ENPP1: variants seen among roughly 807,000 people sequenced by gnomAD.
ENPP1 encodes ectonucleotide pyrophosphatase/phosphodiesterase family member 1.
A neutral mutation model predicts 122.8 loss-of-function variants in ENPP1; 73 were observed. The ratio of observed to expected loss-of-function variants is 0.59; its 90% CI spans 0.49 to 0.72. ENPP1 has a LOEUF of 0.72. Ranked by LOEUF, ENPP1 falls within the 30% of genes least tolerant of loss-of-function variation. ENPP1 has a pLI of 0.00. For synonymous variants in ENPP1, 367 were observed against 391.6 expected (o/e 0.94, Z 0.74); for missense variants, 978 against 1,128.1 (o/e 0.87, Z 1.91).
intron 5 of ENPP1, among the ~76,000 whole-genome samples, chr6:131,852,482 G>A (rs149633484): frequency 2.0e-5 from 3 of 152,080 alleles, no homozygotes; most frequent in Non-Finnish European, 4.4e-5. Context: ...GCTCCAGTGA[G>A]CATTTCCTTT....
intron 14 of ENPP1, among the ~76,000 whole-genome samples, chr6:131,872,617 C>A (rs1344195314): frequency 6.6e-6 from 1 of 151,986 alleles, no homozygotes; most frequent in Non-Finnish European, 1.5e-5. Flanking sequence ...ACACTGAGTT[C>A]TGGGGCTTTT....
chr6:131,888,564 A>G (rs1259047110), intron 24 of ENPP1, among the ~76,000 whole-genome samples: 2 of 152,238 alleles, frequency 1.3e-5, no homozygotes, highest in African/African-American at 4.8e-5. Flanking sequence ...GTCTTTCTAT[A>G]TATCGTTAAA....
chr6:131,856,546 G>A (rs368361566), intron 6 of ENPP1, among the ~76,000 whole-genome samples: 1 of 144,280 alleles, frequency 6.9e-6, no homozygotes, highest in Non-Finnish European at 1.5e-5. Context: ...TTGGTGTTTT[G>A]GACATGAAGT....
At chr6:131,823,994 A>G (rs1781513958) in intron 1 of ENPP1, among the ~76,000 whole-genome samples, 1 of 150,658 alleles carries the variant, frequency 6.6e-6, no homozygotes, top group Non-Finnish European at 1.5e-5. Context: ...CAATATTGTT[A>G]TTGCTATGGT....
At chr6:131,815,814 C>T (rs888243499) in intron 1 of ENPP1, among the ~76,000 whole-genome samples, 2 of 151,074 alleles carry the variant, frequency 1.3e-5, no homozygotes, top group Non-Finnish European at 2.9e-5. Flanking sequence ...AAGTGATTAT[C>T]CTGCCTTAGC....
At chr6:131,872,002 T>C in intron 13 of ENPP1, 68 bp from the exon 14 acceptor site, 2 of 1,161,560 alleles carry the variant, frequency 1.7e-6, no homozygotes, top group Non-Finnish European at 2.6e-6. Context: ...TGACATTCTA[T>C]ATTTTTGTAT....
At chr6:131,882,031 T>TAAATA (rs138833243) in intron 20 of ENPP1, among the ~76,000 whole-genome samples, 17 of 144,576 alleles carry the variant, frequency 1.2e-4, no homozygotes, top group South Asian at 6.4e-4. Context: ...AAAATAATAA[T>TAAATA]AATAAATAAA....
chr6:131,847,062 A>T (rs1344894406), intron 1 of ENPP1, among the ~76,000 whole-genome samples: 1 of 152,146 alleles, frequency 6.6e-6, no homozygotes, highest in Middle Eastern at 3.2e-3. Flanking sequence ...AAATCACACA[A>T]CTAGTTTGTG....
In ENPP1 at chr6:131,847,856, GGTGTGTGTGTGTGTGTGTGTGTGTGT is replaced by G. The variant is rs59956343; in HGVS notation, c.313+21_313+46del. The G allele has an allele frequency of 9.0e-7, 1 of 1,113,830 alleles. No individual in the cohort carries two copies. Among genetic ancestry groups the G allele is most frequent in the Non-Finnish European group, 1.3e-6 (1 of 788,262 alleles). 69.0% of individuals were successfully genotyped at this position (1,113,830 alleles called of 1,614,324 possible). On this transcript the variant is annotated intron_variant, in intron 2 of 24. Coordinates refer to ENST00000647893, the MANE Select transcript of ENPP1 (RefSeq NM_006208.3). ...CAAGCTGTGCCAAAGAAGGTAATTA[GGTGTGTGTGTGTGTGTGTGTGTGTGT>G]GTGTGTGTGTGTATGTGTGTGCACA...
intron 3 of ENPP1, among the ~76,000 whole-genome samples, chr6:131,850,427 T>G (rs774558695): frequency 6.6e-6 from 1 of 152,218 alleles, no homozygotes; most frequent in African/African-American, 2.4e-5. Context: ...ATTATGGTTC[T>G]TTGACGGCAA....
chr6:131,889,483 T>G (rs6928202), intron 24 of ENPP1, among the ~76,000 whole-genome samples: 17,684 of 151,670 alleles, frequency 0.12, 1,933 homozygotes, highest in African/African-American at 0.3. Context: ...GAACATGAGG[T>G]TTCGATTTTC....
At chr6:131,863,004 G>C (rs1470552864) in intron 9 of ENPP1, among the ~76,000 whole-genome samples, 1 of 152,006 alleles carries the variant, frequency 6.6e-6, no homozygotes, top group African/African-American at 2.4e-5. Flanking sequence ...GGTTATTTCA[G>C]CCTATGCTCA....
chr6:131,861,563 A>C (rs1562523282), intron 8 of ENPP1, 32 bp from the exon 9 acceptor site: 4 of 1,316,096 alleles, frequency 3.0e-6, no homozygotes, highest in Non-Finnish European at 4.4e-6. Context: ...TGTTTGCATG[A>C]TTTCTTAATT....
At chr6:131,830,848 C>T (rs896823403) in intron 1 of ENPP1, among the ~76,000 whole-genome samples, 3 of 151,830 alleles carry the variant, frequency 2.0e-5, no homozygotes, top group African/African-American at 4.8e-5. Flanking sequence ...GGGTGGCTCA[C>T]GCCTGTAATC....
Position 131,854,935 on chromosome 6 carries a change from G to A in ENPP1, c.627G>A (p.Thr209=), listed in dbSNP as rs774561788. The change falls in exon 6 of 25, where the codon ACG becomes ACA. Residue 209 remains threonine (T), a synonymous_variant. Transcript: ENST00000647893. The part of the protein sequence containing the change: ...NEPQCPAGFE[T]PPTLLFSLDG... ...CTTTTTCATTACCCAGGTTTGAAACGCCTCCTACCCTCTTATTTTCTTTGG... is the reference window on the plus strand; with the variant it reads ...CTTTTTCATTACCCAGGTTTGAAACACCTCCTACCCTCTTATTTTCTTTGG... 5.5e-5 allele frequency: 89 copies of A among 1,611,984 alleles called. No individual in the cohort carries two copies. The highest frequency in any genetic ancestry group is 7.3e-5 in the Non-Finnish European group (86 of 1,178,582).
At chr6:131,843,530 T>C (rs538963419) in intron 1 of ENPP1, among the ~76,000 whole-genome samples, 2 of 152,322 alleles carry the variant, frequency 1.3e-5, no homozygotes, top group African/African-American at 4.8e-5. Flanking sequence ...CCTGTCCATC[T>C]AGTTCTTCTA....
At chr6:131,857,237 T>C (rs1781959036) in intron 6 of ENPP1, among the ~76,000 whole-genome samples, 1 of 150,118 alleles carries the variant, frequency 6.7e-6, no homozygotes, top group Non-Finnish European at 1.5e-5. Flanking sequence ...TGGAAGTCAG[T>C]GTGGCCATTC....
intron 1 of ENPP1, among the ~76,000 whole-genome samples, chr6:131,811,370 ATATC>A (rs1355796749): frequency 1.4e-5 from 2 of 142,396 alleles, no homozygotes; most frequent in African/African-American, 2.8e-5. Context: ...ATCTATATCT[ATATC>A]TATATATCTA....
At chr6:131,857,298 G>T (rs1781959913) in intron 6 of ENPP1, among the ~76,000 whole-genome samples, 1 of 148,522 alleles carries the variant, frequency 6.7e-6, no homozygotes, top group East Asian at 1.9e-4. Flanking sequence ...TCCCATTACT[G>T]GGTATATACC....
Sources: gnomAD v4.1 joint callset for allele counts (sites outside exome capture counted in the v4.1 genomes callset) on GRCh38, gnomAD v4.1.1 for gene constraint, MANE v1.5 for transcripts, NCBI Gene and HGNC (gene_info 2026-07-23, HGNC 2026-07-21) for gene names.